SCNN1B: variants seen among roughly 807,000 people sequenced by gnomAD.
SCNN1B encodes the protein epithelial sodium channel subunit beta.
Under a neutral mutation model 65.3 loss-of-function variants are expected in SCNN1B, and 46 were observed. That is an observed-to-expected ratio of 0.70 (90% CI 0.56 to 0.90). SCNN1B has a LOEUF of 0.90. SCNN1B is among the 40% of genes least tolerant of loss of function. The pLI is 0.00. For missense variants in SCNN1B, 751 were observed against 830.5 expected, an observed-to-expected ratio of 0.90 and a Z score of 1.18; for synonymous variants, 349 against 330.6, an observed-to-expected ratio of 1.06 and a Z score of -0.60.
At chr16:23,368,337 G>A (rs1262405349) in intron 5 of SCNN1B, among the ~76,000 whole-genome samples, 5 of 152,000 alleles carry the variant, frequency 3.3e-5, no homozygotes, top group Middle Eastern at 3.2e-3. Flanking sequence ...CCAAGAGTTC[G>A]AGACCAGCCT....
At chr16:23,308,798 A>G (rs1312906732) in intron 1 of SCNN1B, among the ~76,000 whole-genome samples, 9 of 151,914 alleles carry the variant, frequency 5.9e-5, no homozygotes, top group African/African-American at 2.2e-4. Context: ...ACACCCACCT[A>G]ATTCTTGTAT....
chr16:23,376,910 C>T (rs940013501), intron 8 of SCNN1B, among the ~76,000 whole-genome samples: 1 of 152,212 alleles, frequency 6.6e-6, no homozygotes, highest in African/African-American at 2.4e-5. Context: ...TAACCCTGTC[C>T]ACCAGGCAGG....
intron 10 of SCNN1B, among the ~76,000 whole-genome samples, chr16:23,377,695 C>T (rs1962940567): frequency 9.9e-6 from 1 of 101,522 alleles, no homozygotes; most frequent in East Asian, 3.3e-4. Context: ...TTCTCATTTC[C>T]TTCCTTCTTT....
In SCNN1B at chr16:23,369,970, G is replaced by A. The variant is rs941667458; in HGVS notation, c.881-1329G>A. ...TTTTTGGAGATGGAGTCTCACTCTCGCTCAGGCTGGAGTGCAGTGGCGCAA... is the reference window on the plus strand; with the variant it reads ...TTTTTGGAGATGGAGTCTCACTCTCACTCAGGCTGGAGTGCAGTGGCGCAA... On this transcript the variant is annotated intron_variant, in intron 5 of 12. Transcript: ENST00000343070. 3.3e-5 allele frequency among the ~76,000 whole-genome samples: 5 copies of A among 152,056 alleles called. No individual in the cohort carries two copies. In the East Asian group the frequency reaches 5.8e-4, roughly 18 times the overall value.
chr16:23,343,831 A>T (rs1962131638), intron 1 of SCNN1B, among the ~76,000 whole-genome samples: 1 of 152,164 alleles, frequency 6.6e-6, no homozygotes. Flanking sequence ...CTTAGTCTCT[A>T]CTTTACTTGT....
In SCNN1B at chr16:23,304,309, AC is replaced by A. The variant is rs565117536; in HGVS notation, c.-9+1873del. ...TATGCATGTTCACACACAAGCACAC[AC>A]GGGCACACATACATGAGACATACAC... On this transcript the variant is annotated intron_variant, in intron 1 of 12. Transcript: ENST00000343070. 3.8e-3 allele frequency among the ~76,000 whole-genome samples: 570 copies of A among 151,158 alleles called. 3 individuals are homozygous for A. The highest frequency in any genetic ancestry group is 6.8e-3 in the Middle Eastern group (2 of 292).
At chr16:23,282,906 CCTT>C (rs540673416) in intron 1 of SCNN1B, among the ~76,000 whole-genome samples, 10 of 152,330 alleles carry the variant, frequency 6.6e-5, no homozygotes, top group Middle Eastern at 3.4e-3. Flanking sequence ...AAGAAACAGT[CCTT>C]CTGCTGCTGC....
rs935208133 is a variant in SCNN1B at position 23,378,604 on chromosome 16, A to C, written c.1405-102A>C. On this transcript the variant is annotated intron_variant, in intron 10 of 12. Coordinates refer to ENST00000343070, the MANE Select transcript of SCNN1B (RefSeq NM_000336.3). The stretch of plus-strand genomic sequence containing the variant: ...AAATTGTGATTCCCCCGGGGGCCTC[A>C]GGAAGGGACAGGGCTGTGGTCTACC... 23 of 1,051,532 alleles carry C rather than the reference A, an allele frequency of 2.2e-5. No homozygotes were observed. The African/African-American group carries it at 3.1e-4, about 14-fold the overall frequency. The allele number at this position is 1,051,532 out of a possible 1,614,324, so 65.1% of individuals were successfully genotyped here. A position where few individuals can be genotyped will look rare whatever the true frequency, so the allele number is the denominator to read the frequency against.
intron 1 of SCNN1B, among the ~76,000 whole-genome samples, chr16:23,347,635 C>A (rs1244505644): frequency 6.6e-6 from 1 of 152,268 alleles, no homozygotes; most frequent in East Asian, 1.9e-4. Flanking sequence ...AGACCAGGTG[C>A]GGTGGTTCAT....
At chr16:23,303,889 A>C in intron 1 of SCNN1B, 1 of 671,494 alleles carries the variant, frequency 1.5e-6, no homozygotes. Flanking sequence ...ATTGCACTCT[A>C]GCCTGAGTGA....
chr16:23,333,147 AAAGAAGGAAGGAAGGAAGGAAG>A (rs1961857058), intron 1 of SCNN1B, among the ~76,000 whole-genome samples: 1 of 109,200 alleles, frequency 9.2e-6, no homozygotes, highest in Non-Finnish European at 1.8e-5. Context: ...GGAAGGAAGG[AAAGAAGGAAGGAAGGAAGGAAG>A]GAAGGAAGGA....
intron 1 of SCNN1B, among the ~76,000 whole-genome samples, chr16:23,331,609 C>T (rs978790270): frequency 1.3e-5 from 2 of 152,118 alleles, no homozygotes; most frequent in African/African-American, 4.8e-5. Flanking sequence ...CTTGAGCCAC[C>T]ACGCCCGGCC....
upstream of SCNN1B, among the ~76,000 whole-genome samples, chr16:23,301,263 G>A (rs150238169): frequency 0.017 from 2,513 of 151,706 alleles, 63 homozygotes; most frequent in African/African-American, 0.058. Context: ...TAGGGAGGCT[G>A]AGGCAGGAGA....
At chr16:23,379,736 C>G (rs562668039) in intron 11 of SCNN1B, among the ~76,000 whole-genome samples, 1 of 152,276 alleles carries the variant, frequency 6.6e-6, no homozygotes, top group Non-Finnish European at 1.5e-5. Flanking sequence ...GGGGCTGTCC[C>G]AGGCCAGAGT....
intron 1 of SCNN1B, among the ~76,000 whole-genome samples, chr16:23,332,458 A>G (rs1266912965): frequency 4.6e-5 from 7 of 152,050 alleles, no homozygotes; most frequent in South Asian, 2.1e-4. Context: ...CGGCCTCCCA[A>G]AGTGCTGGGA....
At chr16:23,288,048 T>C (rs1960875631) in intron 2 of SCNN1B, among the ~76,000 whole-genome samples, 1 of 151,784 alleles carries the variant, frequency 6.6e-6, no homozygotes, top group South Asian at 2.1e-4. Flanking sequence ...CCCAGCTGCT[T>C]GGTGGGCTGA....
At chr16:23,337,973 G>A (rs1045882002) in intron 1 of SCNN1B, among the ~76,000 whole-genome samples, 1 of 152,134 alleles carries the variant, frequency 6.6e-6, no homozygotes, top group Non-Finnish European at 1.5e-5. Flanking sequence ...TTAGGACACT[G>A]AGGTGGGAGG....
At chr16:23,359,846 A>G (rs757817691) in intron 4 of SCNN1B, among the ~76,000 whole-genome samples, 29 of 152,236 alleles carry the variant, frequency 1.9e-4, no homozygotes, top group Admixed American at 1.0e-3. Context: ...TTAAATGAGA[A>G]CATATGCAAA....
At chr16:23,379,705 G>C (rs1223522397) in intron 11 of SCNN1B, among the ~76,000 whole-genome samples, 1 of 152,308 alleles carries the variant, frequency 6.6e-6, no homozygotes, top group East Asian at 1.9e-4. Context: ...GCACAAAGTG[G>C]GGAGCTCAGA....
Sources: gnomAD v4.1 joint callset for allele counts (sites outside exome capture counted in the v4.1 genomes callset) on GRCh38, gnomAD v4.1.1 for gene constraint, MANE v1.5 for transcripts, NCBI Gene and HGNC (gene_info 2026-07-23, HGNC 2026-07-21) for gene names.